Variants in ZNRF1 observed in about 807,000 individuals in gnomAD.
ZNRF1 encodes the protein zinc and ring finger 1, also known as E3 ubiquitin-protein ligase ZNRF1.
Under a neutral mutation model 18.4 loss-of-function variants are expected in ZNRF1, and 3 were observed. The ratio of observed to expected loss-of-function variants is 0.16; its 90% CI spans 0.07 to 0.42. The LOEUF (loss-of-function observed/expected upper bound fraction) is 0.42. Ranked by LOEUF, ZNRF1 falls within the 10% of genes least tolerant of loss-of-function variation. ZNRF1 has a pLI of 0.99. For synonymous variants in ZNRF1, 157 were observed against 144.2 expected (o/e 1.09, Z -0.64); for missense variants, 310 against 329.8 (o/e 0.94, Z 0.47).
At chr16:75,005,920 G>C (rs1297315775) in intron 1 of ZNRF1, among the ~76,000 whole-genome samples, 1 of 152,166 alleles carries the variant, frequency 6.6e-6, no homozygotes, top group African/African-American at 2.4e-5. Context: ...CACGGACCTA[G>C]GTGGTATAGC....
Position 75,000,041 on chromosome 16 carries a change from C to T in ZNRF1, c.370C>T (p.Leu124=), listed in dbSNP as rs2034820631. ...GCTGTACCTGGGCTCCCGAGCCTCG[C>T]TGGCGGATGCTCTACCTCTGCACAT... ...GMLYLGSRAS[L]ADALPLHIAP... Residue 124 remains leucine, a synonymous_variant, in exon 1 of 5, where the codon CTG becomes TTG. Transcript: ENST00000335325. The T allele has an allele frequency of 6.3e-7, 1 of 1,598,946 alleles. No individual in the cohort carries two copies. Among genetic ancestry groups the T allele is most frequent in the Non-Finnish European group, 8.5e-7 (1 of 1,174,060 alleles).
At chr16:75,061,000 A>T (rs1039157723) in intron 1 of ZNRF1, among the ~76,000 whole-genome samples, 4 of 151,894 alleles carry the variant, frequency 2.6e-5, no homozygotes, top group Non-Finnish European at 4.4e-5. Flanking sequence ...AGCTCTGATT[A>T]AAAAAAATAG....
chr16:75,106,860 C>T (rs892743920), intron 4 of ZNRF1: 2 of 297,410 alleles, frequency 6.7e-6, no homozygotes, highest in East Asian at 7.0e-5. Flanking sequence ...TCAGGAATAT[C>T]CCCTGGGAAT....
chr16:75,036,735 A>G (rs2035380623), intron 1 of ZNRF1, among the ~76,000 whole-genome samples: 1 of 152,174 alleles, frequency 6.6e-6, no homozygotes, highest in Non-Finnish European at 1.5e-5. Context: ...TACCTTTGTG[A>G]TAACTGGGTA....
intron 1 of ZNRF1, among the ~76,000 whole-genome samples, chr16:75,047,471 T>G (rs2035530503): frequency 6.6e-6 from 1 of 152,264 alleles, no homozygotes; most frequent in African/African-American, 2.4e-5. Context: ...TTTATTTATT[T>G]GTATTCATAG....
chr16:75,032,192 C>T (rs935940172), intron 1 of ZNRF1, among the ~76,000 whole-genome samples: 3 of 150,230 alleles, frequency 2.0e-5, no homozygotes, highest in African/African-American at 7.4e-5. Flanking sequence ...TTACTACACC[C>T]TCCGTCTCCT....
intron 1 of ZNRF1, among the ~76,000 whole-genome samples, chr16:75,073,277 T>C (rs2035896394): frequency 6.6e-6 from 1 of 152,032 alleles, no homozygotes; most frequent in Non-Finnish European, 1.5e-5. Flanking sequence ...CAATTGTTGA[T>C]TGCTTGCTAG....
intron 1 of ZNRF1, among the ~76,000 whole-genome samples, chr16:75,002,757 G>T (rs539446223): frequency 1.3e-5 from 2 of 152,192 alleles, no homozygotes; most frequent in Non-Finnish European, 2.9e-5. Flanking sequence ...GGGAGAGGAA[G>T]CGCTGTAGTC....
rs151008630 is a variant in ZNRF1 at position 75,050,150 on chromosome 16, A to G, written c.425-43422A>G. On this transcript the variant is annotated intron_variant, in intron 1 of 4. Transcript: ENST00000335325. The stretch of plus-strand genomic sequence containing the variant: ...ATTCTCCAAACTCTTGTGTATTTCA[A>G]TAGTCTATTCCTTTTTATTGCTAAG... Among the ~76,000 whole-genome samples, 12 of 152,288 alleles carry G rather than the reference A, an allele frequency of 7.9e-5. No individual in the cohort carries two copies. The East Asian group carries it at 1.3e-3, about 17-fold the overall frequency.
chr16:75,065,671 A>G (rs894274224), intron 1 of ZNRF1, among the ~76,000 whole-genome samples: 10 of 152,188 alleles, frequency 6.6e-5, no homozygotes, highest in Non-Finnish European at 1.3e-4. Context: ...TCAGAAATGT[A>G]TCCTTCCTTA....
intron 2 of ZNRF1, chr16:75,104,216 A>G (rs1451111387): frequency 6.6e-6 from 1 of 152,356 alleles, no homozygotes; most frequent in Non-Finnish European, 1.5e-5. Flanking sequence ...TTGGCTTAGT[A>G]ATATTCCATT....
At position 75,110,744 on chromosome 16, in the gene ZNRF1, T is replaced by C. The variant is rs987924923; in HGVS notation, c.*3044T>C. The C allele has an allele frequency of 2.0e-5, 3 of 152,258 alleles. No homozygotes were observed. The highest frequency in any genetic ancestry group is 4.4e-5 in the Non-Finnish European group (3 of 68,050). The allele number at this position is 152,258 out of a possible 1,614,324, so 9.4% of individuals were successfully genotyped here. On this transcript the variant is annotated 3_prime_UTR_variant, in exon 5 of 5. Coordinates refer to ENST00000335325, the MANE Select transcript of ZNRF1 (RefSeq NM_032268.5). ...TGAGCGCCTCCTAGTTGCCAGGCAC[T>C]GGAGGGCGCATCAAAGAAGAGTCCT...
chr16:75,024,391 T>C (rs1250428040), intron 1 of ZNRF1, among the ~76,000 whole-genome samples: 1 of 152,238 alleles, frequency 6.6e-6, no homozygotes, highest in Non-Finnish European at 1.5e-5. Context: ...GAGTGTTTAT[T>C]ACCTATGATA....
chr16:75,037,726 A>C (rs1217801679), intron 1 of ZNRF1, among the ~76,000 whole-genome samples: 1 of 152,110 alleles, frequency 6.6e-6, no homozygotes, highest in Non-Finnish European at 1.5e-5. Context: ...ATTGTAAAAA[A>C]TGGTTTCTGG....
At chr16:75,074,116 C>A (rs566580093) in intron 1 of ZNRF1, among the ~76,000 whole-genome samples, 2 of 152,248 alleles carry the variant, frequency 1.3e-5, no homozygotes, top group South Asian at 4.2e-4. Context: ...GCTGCTCCTT[C>A]CGCGTGCATG....
chr16:75,097,827 T>C (rs4888344), intron 2 of ZNRF1, among the ~76,000 whole-genome samples: 10 of 152,162 alleles, frequency 6.6e-5, no homozygotes, highest in Admixed American at 1.3e-4. Flanking sequence ...AAAAATAAAA[T>C]ATAAAATAAA....
chr16:75,023,331 C>T (rs1408646154), intron 1 of ZNRF1, among the ~76,000 whole-genome samples: 1 of 152,170 alleles, frequency 6.6e-6, no homozygotes, highest in Non-Finnish European at 1.5e-5. Context: ...CATACCCACA[C>T]CTTCTTTAAA....
At chr16:75,101,186 A>G (rs1447032939) in intron 2 of ZNRF1, among the ~76,000 whole-genome samples, 2 of 152,202 alleles carry the variant, frequency 1.3e-5, no homozygotes, top group East Asian at 3.9e-4. Flanking sequence ...CATCTGCCTC[A>G]GCCTCCCAGA....
chr16:75,093,558 C>G lies in ZNRF1; in HGVS notation c.425-14C>G. The G allele has an allele frequency of 1.2e-6, 2 of 1,605,566 alleles. No individual in the cohort carries two copies. The highest frequency in any genetic ancestry group is 1.7e-6 in the Non-Finnish European group (2 of 1,172,332). On this transcript the variant is annotated splice_polypyrimidine_tract_variant and intron_variant, in intron 1 of 4. Coordinates refer to ENST00000335325, the MANE Select transcript of ZNRF1 (RefSeq NM_032268.5). ...TCTGGAGAAAACATTTCATCCCATT[C>G]TCCTCTCTTTCAGGTTTCAAGTGCC... is the stretch of plus-strand genomic sequence containing the variant.
Sources: gnomAD v4.1 joint callset for allele counts (sites outside exome capture counted in the v4.1 genomes callset) on GRCh38, gnomAD v4.1.1 for gene constraint, MANE v1.5 for transcripts, NCBI Gene and HGNC (gene_info 2026-07-23, HGNC 2026-07-21) for gene names.